Variants in RPS6KC1 observed in about 807,000 individuals in gnomAD.
RPS6KC1 encodes the protein ribosomal protein S6 kinase C1.
A neutral mutation model predicts 103.8 loss-of-function variants in RPS6KC1; 54 were observed. The ratio of observed to expected loss-of-function variants is 0.52; its 90% CI spans 0.42 to 0.65. The LOEUF (loss-of-function observed/expected upper bound fraction) is 0.65, where lower values mean the gene tolerates loss of function less well. Among genes scored for constraint, RPS6KC1 ranks in the 30% least tolerant of loss-of-function variants. The pLI is 0.00. For synonymous variants in RPS6KC1, 439 were observed against 438.7 expected, an observed-to-expected ratio of 1.00 and a Z score of -0.01; for missense variants, 1,151 against 1,253.8, an observed-to-expected ratio of 0.92 and a Z score of 1.24.
the RPS6KC1 span, among the ~76,000 whole-genome samples, chr1:213,812,304 G>A: frequency 6.6e-6 from 1 of 152,174 alleles, no homozygotes; most frequent in African/African-American, 2.4e-5. Flanking sequence ...TGGTAGTATG[G>A]GAAGGAACTG....
At chr1:213,791,178 A>G in the RPS6KC1 span, among the ~76,000 whole-genome samples, 8 of 152,146 alleles carry the variant, frequency 5.3e-5, no homozygotes, top group Non-Finnish European at 1.0e-4. Flanking sequence ...AGAAAAAAAA[A>G]AGACTAAATG....
At chr1:213,655,975 T>C in the RPS6KC1 span, among the ~76,000 whole-genome samples, 2 of 152,214 alleles carry the variant, frequency 1.3e-5, no homozygotes, top group Admixed American at 1.3e-4. Context: ...AGTCTCTATT[T>C]TAAGATTTGG....
chr1:213,099,370 C>G (rs1453901872), intron 3 of RPS6KC1, among the ~76,000 whole-genome samples: 2 of 152,024 alleles, frequency 1.3e-5, no homozygotes, highest in African/African-American at 4.8e-5. Flanking sequence ...TGACATTTTG[C>G]TATATTTTCC....
At chr1:213,377,603 A>G in the RPS6KC1 span, among the ~76,000 whole-genome samples, 2 of 152,178 alleles carry the variant, frequency 1.3e-5, no homozygotes, top group Admixed American at 6.5e-5. Context: ...TTTGTTTTGA[A>G]TAATAATAAG....
the RPS6KC1 span, among the ~76,000 whole-genome samples, chr1:213,636,657 A>C: frequency 1.3e-5 from 2 of 152,208 alleles, no homozygotes; most frequent in Admixed American, 1.3e-4. Flanking sequence ...AAAACCATAA[A>C]AACCCTAGAA....
chr1:213,553,310 C>T, the RPS6KC1 span, among the ~76,000 whole-genome samples: 1 of 152,150 alleles, frequency 6.6e-6, no homozygotes, highest in African/African-American at 2.4e-5. Context: ...TAGCCTCCAG[C>T]TCCATCTATG....
chr1:213,204,107 A>G (rs1212413113), intron 8 of RPS6KC1, among the ~76,000 whole-genome samples: 1 of 152,154 alleles, frequency 6.6e-6, no homozygotes. Flanking sequence ...AACTGTTTTT[A>G]ATTGCCTCTC....
chr1:213,424,819 CT>C, the RPS6KC1 span, among the ~76,000 whole-genome samples: 2 of 152,248 alleles, frequency 1.3e-5, no homozygotes, highest in African/African-American at 4.8e-5. Context: ...TCCCATCCTT[CT>C]TCCCTACCTG....
At chr1:213,406,653 A>AG in the RPS6KC1 span, among the ~76,000 whole-genome samples, 1 of 152,152 alleles carries the variant, frequency 6.6e-6, no homozygotes, top group Non-Finnish European at 1.5e-5. Context: ...CAAGTGTTGA[A>AG]GGGGTCATAT....
chr1:213,570,788 A>G, the RPS6KC1 span, among the ~76,000 whole-genome samples: 4 of 152,188 alleles, frequency 2.6e-5, no homozygotes, highest in African/African-American at 9.7e-5. Flanking sequence ...GTACCACTTG[A>G]GGGGCACAAC....
At position 213,242,221 on chromosome 1, in the gene RPS6KC1, A is replaced by G. The variant is rs562923473; in HGVS notation, c.2745A>G (p.Val915=). ...CIQRWAAEMV[V]ALDALHREGI... ...AAAGATGGGCAGCTGAAATGGTGGT[A>G]GCCCTTGATGCTTTACATAGAGAGG... The change falls in exon 11 of 15, where the codon GTA becomes GTG. Residue 915 remains valine (V), a synonymous_variant. Transcript: ENST00000366960. The G allele has an allele frequency of 1.7e-4, 267 of 1,614,014 alleles. No homozygotes were observed. The Admixed American group carries it at 3.8e-3, about 23-fold the overall frequency.
chr1:213,671,259 A>G, the RPS6KC1 span, among the ~76,000 whole-genome samples: 1 of 152,228 alleles, frequency 6.6e-6, no homozygotes, highest in African/African-American at 2.4e-5. Context: ...TATTAAGTGA[A>G]CTAAGCCAGG....
chr1:213,424,596 C>T, the RPS6KC1 span, among the ~76,000 whole-genome samples: 1 of 152,222 alleles, frequency 6.6e-6, no homozygotes, highest in Non-Finnish European at 1.5e-5. Context: ...TGGGTTTGAG[C>T]GTTAGTGCCC....
chr1:213,454,620 G>GGT, the RPS6KC1 span, among the ~76,000 whole-genome samples: 28 of 151,914 alleles, frequency 1.8e-4, no homozygotes, highest in Admixed American at 7.2e-4. Flanking sequence ...TTCCTTTTTT[G>GGT]GTGTGTGTGT....
chr1:213,220,076 G>A (rs1008663463), intron 8 of RPS6KC1, among the ~76,000 whole-genome samples: 2 of 151,784 alleles, frequency 1.3e-5, no homozygotes, highest in African/African-American at 2.4e-5. Flanking sequence ...AATTCAGATG[G>A]GATATATACA....
the RPS6KC1 span, among the ~76,000 whole-genome samples, chr1:213,703,804 C>G: frequency 6.6e-6 from 1 of 152,014 alleles, no homozygotes; most frequent in Non-Finnish European, 1.5e-5. Flanking sequence ...TTTGAGATGG[C>G]CTTCTTTGGG....
chr1:213,499,166 C>A, the RPS6KC1 span, among the ~76,000 whole-genome samples: 1 of 152,246 alleles, frequency 6.6e-6, no homozygotes, highest in South Asian at 2.1e-4. Context: ...GATGCCTGTT[C>A]CCACTTGTAT....
At chr1:213,417,666 T>C in the RPS6KC1 span, among the ~76,000 whole-genome samples, 5 of 151,808 alleles carry the variant, frequency 3.3e-5, no homozygotes, top group African/African-American at 1.2e-4. Flanking sequence ...GAGAGGTAGG[T>C]TGGGGGCAGG....
chr1:213,584,938 C>G, the RPS6KC1 span, among the ~76,000 whole-genome samples: 1 of 152,114 alleles, frequency 6.6e-6, no homozygotes, highest in Admixed American at 6.6e-5. Context: ...TATAGACAAA[C>G]AGAAAGTGGG....
Sources: allele counts gnomAD v4.1 joint callset (sites outside exome capture counted in the v4.1 genomes callset), GRCh38; gene constraint gnomAD v4.1.1; transcripts MANE v1.5; gene names NCBI Gene and HGNC (gene_info 2026-07-23, HGNC 2026-07-21).